Variants in ARFGEF3 observed in about 807,000 individuals in gnomAD.
ARFGEF3 encodes ARFGEF family member 3.
ARFGEF3 carries 96 observed loss-of-function variants against 221.7 expected under a neutral mutation model. That is an observed-to-expected ratio of 0.43 (90% CI 0.37 to 0.51). The LOEUF is 0.51. Ranked by LOEUF, ARFGEF3 falls within the 20% of genes least tolerant of loss-of-function variation. The pLI, the probability that ARFGEF3 is intolerant of heterozygous loss-of-function variation, is 0.00. For synonymous variants in ARFGEF3, 1,145 were observed against 1,126.8 expected (o/e 1.02, Z -0.32); for missense variants, 2,410 against 2,789.9 (o/e 0.86, Z 3.07).
Position 138,334,762 on chromosome 6 carries a change from C to A in ARFGEF3, c.5916C>A (p.His1972Gln). The A allele has an allele frequency of 6.2e-7, 1 of 1,610,636 alleles. No individual in the cohort carries two copies. Among genetic ancestry groups the A allele is most frequent in the African/African-American group, 1.3e-5 (1 of 74,914 alleles). The part of the protein sequence containing the change: ...SEDDRSQSRE[H>Q]MGESLSLKAG... ...ATGACAGAAGCCAGTCCCGGGAGCA[C>A]ATGGGCGAGTCCCTGAGCCTGAAGG... is the stretch of plus-strand genomic sequence containing the variant. Residue 1972 changes from histidine (H) to glutamine (Q), a missense_variant, in exon 33 of 34, where the codon CAC becomes CAA. Transcript: ENST00000251691. The surrounding 1 kb of genome is among the most constrained non-coding windows in gnomAD (Gnocchi z 5.1).
At chr6:138,274,104 G>A (rs1779052178) in intron 12 of ARFGEF3, among the ~76,000 whole-genome samples, 2 of 152,108 alleles carry the variant, frequency 1.3e-5, no homozygotes, top group African/African-American at 4.8e-5. Context: ...TCACATTAGT[G>A]GCCTTTTTCA....
intron 26 of ARFGEF3, among the ~76,000 whole-genome samples, chr6:138,314,505 C>G (rs879721475): frequency 6.6e-6 from 1 of 152,200 alleles, no homozygotes; most frequent in Non-Finnish European, 1.5e-5. Context: ...AAAGCCTTAA[C>G]TTGTTTCAGC....
Position 138,328,125 on chromosome 6 carries a change from T to G in ARFGEF3, c.5106T>G (p.Asn1702Lys). 1 of 1,593,306 alleles carries G rather than the reference T, an allele frequency of 6.3e-7. No individual in the cohort carries two copies. The highest frequency in any genetic ancestry group is 8.6e-7 in the Non-Finnish European group (1 of 1,169,104). The change falls in exon 32 of 34, where the codon AAT (asparagine) becomes AAG (lysine). Residue 1702 changes from asparagine to lysine, a missense_variant. Asn to Lys is a moderately conservative substitution (Grantham distance 94, BLOSUM62 0). Around this residue, in one of 5 missense-constraint regions of ARFGEF3, gnomAD observed 723 missense variants for 991.9 expected, o/e 0.73. Transcript: ENST00000251691. ...AGCTGCCTCCTGATGAAAAACCAAA[T>G]GGACACACCAAGAAAAGGTAAGTAC... ...IIELPPDEKPNGHTKKSVSFR... is the reference protein window; with the variant it reads ...IIELPPDEKPKGHTKKSVSFR...
At position 138,248,222 on chromosome 6, in the gene ARFGEF3, C is replaced by G. The variant is rs113547782; in HGVS notation, c.665+2631C>G. Among the ~76,000 whole-genome samples, 191 of 152,270 alleles carry G rather than the reference C, an allele frequency of 1.3e-3. 1 individual carries two copies. The highest frequency in any genetic ancestry group is 4.4e-3 in the African/African-American group (184 of 41,548). Reference sequence around the variant, plus strand: ...CCTTTTAAAAAAGAAGACCTCTGTTCAGGCATGGCCGCTGATTGGCTTTCA... The same window carrying G: ...CCTTTTAAAAAAGAAGACCTCTGTTGAGGCATGGCCGCTGATTGGCTTTCA... On this transcript the variant is annotated intron_variant, in intron 8 of 33. Transcript: ENST00000251691.
At chr6:138,216,695 C>A (rs1777870263) in intron 4 of ARFGEF3, 1 of 152,216 alleles carries the variant, frequency 6.6e-6, no homozygotes. Context: ...AGGGAGAAAT[C>A]TCTTCTTAGC....
At chr6:138,310,203 C>T (rs889261316) in intron 24 of ARFGEF3, among the ~76,000 whole-genome samples, 4 of 152,260 alleles carry the variant, frequency 2.6e-5, no homozygotes, top group Admixed American at 6.5e-5. Flanking sequence ...AAATACACAG[C>T]GGCCACAGTC....
At chr6:138,238,440 A>G in intron 5 of ARFGEF3, 69 bp from the exon 6 acceptor site, 3 of 1,536,858 alleles carry the variant, frequency 2.0e-6, no homozygotes, top group African/African-American at 1.4e-5. Context: ...TCTCTGGTCA[A>G]TCCCAAAGAA....
chr6:138,293,842 G>C lies in ARFGEF3; in HGVS notation c.3369-151G>C. 4 of 712,284 alleles carry C rather than the reference G, an allele frequency of 5.6e-6. No homozygotes were observed. The South Asian group carries it at 7.6e-5, about 14-fold the overall frequency. 44.1% of individuals were successfully genotyped at this position (712,284 alleles called of 1,614,324 possible). On this transcript the variant is annotated intron_variant, in intron 19 of 33. Coordinates refer to ENST00000251691, the MANE Select transcript of ARFGEF3 (RefSeq NM_020340.5). Reference sequence around the variant, plus strand: ...CACAGTTAGAGCAGACTTGTACACAGTTAGAATAGATAGAATAATACCATA... The same window carrying C: ...CACAGTTAGAGCAGACTTGTACACACTTAGAATAGATAGAATAATACCATA...
intron 12 of ARFGEF3, among the ~76,000 whole-genome samples, chr6:138,268,236 T>C (rs1778933375): frequency 6.6e-6 from 1 of 152,178 alleles, no homozygotes; most frequent in Non-Finnish European, 1.5e-5. Flanking sequence ...ATTTCCTTTG[T>C]TCCTCTAAGA....
intron 11 of ARFGEF3, 98 bp downstream of exon 11, chr6:138,261,737 A>G (rs997559966): frequency 7.6e-6 from 4 of 526,854 alleles, no homozygotes; most frequent in Non-Finnish European, 1.3e-5. Context: ...ATTCTACATT[A>G]TATGAAATGT....
chr6:138,336,914 ACT>A lies in ARFGEF3; in HGVS notation c.*430_*431del, dbSNP rs1185268116. ...CTGCTGGTAAGTCAAGCTGATAAAC[ACT>A]CAGACATCTAGTACCAGGGATTATT... On this transcript the variant is annotated 3_prime_UTR_variant, in exon 34 of 34. Transcript: ENST00000251691. 1 of 152,650 alleles carries A rather than the reference ACT, an allele frequency of 6.6e-6. No individual in the cohort carries two copies. Among genetic ancestry groups the A allele is most frequent in the African/African-American group, 2.4e-5 (1 of 41,442 alleles). The allele number at this position is 152,650 out of a possible 1,614,324, so 9.5% of individuals were successfully genotyped here.
At chr6:138,304,280 T>C (rs1172569681) in intron 22 of ARFGEF3, among the ~76,000 whole-genome samples, 2 of 152,206 alleles carry the variant, frequency 1.3e-5, no homozygotes, top group Non-Finnish European at 2.9e-5. Context: ...TTATATGAAA[T>C]GTCAGAATAG....
intron 1 of ARFGEF3, among the ~76,000 whole-genome samples, chr6:138,167,443 A>C (rs1480899501): frequency 6.6e-6 from 1 of 152,140 alleles, no homozygotes; most frequent in African/African-American, 2.4e-5. Context: ...CAGCTCAACA[A>C]GGCTCAAAGT....
At chr6:138,202,692 A>C (rs939000255) in intron 2 of ARFGEF3, among the ~76,000 whole-genome samples, 5 of 152,156 alleles carry the variant, frequency 3.3e-5, no homozygotes, top group Non-Finnish European at 5.9e-5. Flanking sequence ...AAAAAAAAAA[A>C]AAAACCCTGT....
At chr6:138,203,440 T>C (rs1048123303) in intron 2 of ARFGEF3, among the ~76,000 whole-genome samples, 3 of 152,218 alleles carry the variant, frequency 2.0e-5, no homozygotes, top group Non-Finnish European at 4.4e-5. Flanking sequence ...TCATTTTTCT[T>C]TCTTTGTCCC....
intron 5 of ARFGEF3, among the ~76,000 whole-genome samples, chr6:138,235,996 A>G (rs1229921757): frequency 1.3e-5 from 2 of 152,186 alleles, no homozygotes; most frequent in Non-Finnish European, 2.9e-5. Flanking sequence ...AAACACTAAA[A>G]ACAGTGCTGG....
At chr6:138,228,301 C>T (rs148889264) in intron 4 of ARFGEF3, among the ~76,000 whole-genome samples, 1,985 of 151,192 alleles carry the variant, frequency 0.013, 29 homozygotes, top group Middle Eastern at 0.058. Flanking sequence ...CTCAGCCTCC[C>T]GGATAGCTGG....
At chr6:138,248,369 T>G (rs559255596) in intron 8 of ARFGEF3, among the ~76,000 whole-genome samples, 97 of 151,944 alleles carry the variant, frequency 6.4e-4, no homozygotes, top group African/African-American at 2.2e-3. Flanking sequence ...CTGTCGGGGG[T>G]GCTTCTCCCT....
chr6:138,170,728 T>C lies in ARFGEF3; in HGVS notation c.137+15T>C. ...CATGTACTGAGGTAGGAGATGGACA[T>C]TGTATAATATCACAGAAGTCAATAT... On this transcript the variant is annotated intron_variant, in intron 2 of 33. Transcript: ENST00000251691. 6.8e-7 allele frequency: 1 copy of C among 1,479,940 alleles called. No individual in the cohort carries two copies. The highest frequency in any genetic ancestry group is 1.4e-5 in the African/African-American group (1 of 72,102). The allele number at this position is 1,479,940 out of a possible 1,614,324, so 91.7% of individuals were successfully genotyped here.
Sources: allele counts gnomAD v4.1 joint callset (sites outside exome capture counted in the v4.1 genomes callset), GRCh38; gene constraint gnomAD v4.1.1; regional missense constraint gnomAD v4.1.1; non-coding constraint Gnocchi (gnomAD v3.1); transcripts MANE v1.5; gene names NCBI Gene and HGNC (gene_info 2026-07-23, HGNC 2026-07-21).